VWC2L: variants seen among roughly 807,000 people sequenced by gnomAD.
VWC2L encodes von Willebrand factor C domain containing 2 like.
VWC2L carries 10 observed loss-of-function variants against 21.6 expected under a neutral mutation model. That is an observed-to-expected ratio of 0.46 (90% CI 0.29 to 0.78). VWC2L has a LOEUF of 0.78. Among genes scored for constraint, VWC2L ranks in the 30% least tolerant of loss-of-function variants. The pLI is 0.10. For missense variants in VWC2L, 209 were observed against 277.1 expected (o/e 0.75, Z 1.74); for synonymous variants, 96 against 94.3 (o/e 1.02, Z -0.10).
Position 214,576,071 on chromosome 2 carries a change from C to A in VWC2L, c.*251C>A. The A allele has an allele frequency of 4.1e-6, 1 of 245,506 alleles. No individual in the cohort carries two copies. Among genetic ancestry groups the A allele is most frequent in the Non-Finnish European group, 7.7e-6 (1 of 129,712 alleles). The allele number at this position is 245,506 out of a possible 1,614,324, so 15.2% of individuals were successfully genotyped here. ...TTACCAATGCTTGATGGTGACTTGA[C>A]GACTGGATTGCTGGAACAAAAAGAA... On this transcript the variant is annotated 3_prime_UTR_variant, in exon 4 of 4. Coordinates refer to ENST00000312504, the MANE Select transcript of VWC2L (RefSeq NM_001080500.4).
chr2:214,481,183 A>G (rs1390157087), intron 3 of VWC2L, among the ~76,000 whole-genome samples: 1 of 152,148 alleles, frequency 6.6e-6, no homozygotes, highest in East Asian at 1.9e-4. Context: ...GGTGGAGTCG[A>G]TTTCTCCACT....
At chr2:214,451,701 A>T (rs1702956853) in intron 3 of VWC2L, among the ~76,000 whole-genome samples, 1 of 152,212 alleles carries the variant, frequency 6.6e-6, no homozygotes, top group Non-Finnish European at 1.5e-5. Flanking sequence ...AGGCAATGTG[A>T]GATGAATAAT....
intron 3 of VWC2L, among the ~76,000 whole-genome samples, chr2:214,560,133 C>CTA (rs1310007536): frequency 6.6e-6 from 1 of 152,142 alleles, no homozygotes. Context: ...TAGTTGCTAG[C>CTA]TATCTACAGC....
chr2:214,497,028 T>C (rs927449985), intron 3 of VWC2L, among the ~76,000 whole-genome samples: 2 of 152,204 alleles, frequency 1.3e-5, no homozygotes, highest in Non-Finnish European at 2.9e-5. Flanking sequence ...GGATGTTCTG[T>C]TCCATCGTTA....
intron 2 of VWC2L, among the ~76,000 whole-genome samples, chr2:214,421,864 A>G (rs1462322675): frequency 7.7e-6 from 1 of 129,956 alleles, no homozygotes; most frequent in Non-Finnish European, 1.7e-5. Context: ...AACAAGCATA[A>G]TTTTTTTCTA....
intron 3 of VWC2L, among the ~76,000 whole-genome samples, chr2:214,518,319 A>G (rs1689177853): frequency 6.6e-6 from 1 of 152,212 alleles, no homozygotes; most frequent in African/African-American, 2.4e-5. Context: ...TATAAAATAA[A>G]CTTATTTCAT....
intron 3 of VWC2L, among the ~76,000 whole-genome samples, chr2:214,516,257 C>G (rs1559315017): frequency 1.3e-5 from 2 of 150,744 alleles, no homozygotes; most frequent in Admixed American, 6.6e-5. Context: ...GTGTATCGCC[C>G]CAGGAGTCAG....
chr2:214,539,319 T>C (rs1443387609), intron 3 of VWC2L, among the ~76,000 whole-genome samples: 1 of 152,172 alleles, frequency 6.6e-6, no homozygotes, highest in Non-Finnish European at 1.5e-5. Flanking sequence ...TAAAATTACT[T>C]TGATAACACT....
At chr2:214,534,282 G>A (rs1689489356) in intron 3 of VWC2L, 1 of 152,484 alleles carries the variant, frequency 6.6e-6, no homozygotes, top group Admixed American at 6.6e-5. Context: ...CCATCACTAG[G>A]CCTGGGTGCT....
chr2:214,512,834 G>GA, intron 3 of VWC2L, among the ~76,000 whole-genome samples: 1 of 152,234 alleles, frequency 6.6e-6, no homozygotes, highest in African/African-American at 2.4e-5. Flanking sequence ...TTGGGATGAT[G>GA]AATTATAGCT....
intron 3 of VWC2L, among the ~76,000 whole-genome samples, chr2:214,561,809 T>TATATATATATATATATATAG (rs1489588765): frequency 7.9e-6 from 1 of 127,228 alleles, no homozygotes; most frequent in Non-Finnish European, 1.6e-5. Context: ...TATATATATA[T>TATATATATATATATATATAG]ACACACACAT....
At chr2:214,455,706 ATC>A (rs1203447474) in intron 3 of VWC2L, among the ~76,000 whole-genome samples, 2 of 152,046 alleles carry the variant, frequency 1.3e-5, no homozygotes, top group African/African-American at 2.4e-5. Context: ...CCGCAGAACA[ATC>A]TCTCTCCCCT....
intron 2 of VWC2L, among the ~76,000 whole-genome samples, chr2:214,432,360 C>T (rs1702612658): frequency 6.6e-6 from 1 of 152,154 alleles, no homozygotes; most frequent in South Asian, 2.1e-4. Context: ...GTTTCACAGA[C>T]TGATGAGAGC....
At chr2:214,558,177 A>AT (rs1401485180) in intron 3 of VWC2L, among the ~76,000 whole-genome samples, 2 of 151,944 alleles carry the variant, frequency 1.3e-5, no homozygotes, top group East Asian at 1.9e-4. Context: ...ATGTATTGCT[A>AT]TTTTTTTCCT....
At position 214,523,540 on chromosome 2, in the gene VWC2L, T is replaced by C. The variant is rs143463355; in HGVS notation, c.521-52132T>C. Reference sequence around the variant, plus strand: ...ATGATACTGAGAAATTAATATAAAATTATTGTTTAAATTTGAGGTTGGGTG... The same window carrying C: ...ATGATACTGAGAAATTAATATAAAACTATTGTTTAAATTTGAGGTTGGGTG... On this transcript the variant is annotated intron_variant, in intron 3 of 3. Coordinates refer to ENST00000312504, the MANE Select transcript of VWC2L (RefSeq NM_001080500.4). Among the ~76,000 whole-genome samples the C allele has an allele frequency of 6.0e-4, 92 of 152,326 alleles. 1 individual carries two copies. Among genetic ancestry groups the C allele is most frequent in the African/African-American group, 2.1e-3 (89 of 41,578 alleles).
intron 3 of VWC2L, among the ~76,000 whole-genome samples, chr2:214,540,043 T>C (rs1443636058): frequency 1.3e-5 from 2 of 152,114 alleles, no homozygotes; most frequent in African/African-American, 2.4e-5. Flanking sequence ...CTAGTTGGAA[T>C]TGATTATCAC....
chr2:214,551,649 C>G (rs964597950), intron 3 of VWC2L, among the ~76,000 whole-genome samples: 1 of 152,204 alleles, frequency 6.6e-6, no homozygotes, highest in Non-Finnish European at 1.5e-5. Context: ...CTCTTTCCAA[C>G]TTAAAACCTG....
chr2:214,518,165 CA>C (rs34081032), intron 3 of VWC2L, among the ~76,000 whole-genome samples: 111,415 of 144,322 alleles, frequency 0.77, 43,804 homozygotes, highest in South Asian at 0.93. Context: ...GACTCTGTCT[CA>C]AAAAAAAAAA....
At chr2:214,502,567 G>C (rs997102458) in intron 3 of VWC2L, among the ~76,000 whole-genome samples, 1 of 133,956 alleles carries the variant, frequency 7.5e-6, no homozygotes, top group African/African-American at 2.5e-5. Context: ...GAGACTCCAC[G>C]TCAAAAACAA....
Sources: gnomAD v4.1 joint callset for allele counts (sites outside exome capture counted in the v4.1 genomes callset) on GRCh38, gnomAD v4.1.1 for gene constraint, MANE v1.5 for transcripts, NCBI Gene and HGNC (gene_info 2026-07-23, HGNC 2026-07-21) for gene names.